The following EARS2 variants were observed in gnomAD, a reference collection of about 807,000 sequenced individuals.
EARS2 encodes the protein glutamyl-tRNA synthetase 2, mitochondrial.
Under a neutral mutation model 54.1 loss-of-function variants are expected in EARS2, and 50 were observed. That is an observed-to-expected ratio of 0.92 (90% CI 0.74 to 1.17). The LOEUF is 1.17. EARS2 is among the 50% of genes most tolerant of loss of function. EARS2 has a pLI of 0.00. For missense variants in EARS2, 673 were observed against 675.0 expected (o/e 1.00, Z 0.03); for synonymous variants, 298 against 281.0 (o/e 1.06, Z -0.61).
At chr16:23,550,538 C>T (rs139194102) in intron 2 of EARS2, among the ~76,000 whole-genome samples, 6,926 of 146,830 alleles carry the variant, frequency 0.047, 571 homozygotes, top group African/African-American at 0.16. Flanking sequence ...TCCGGGTTCA[C>T]GCCATTCTCC....
intron 3 of EARS2, 32 bp from the exon 4 acceptor site, chr16:23,535,392 T>C (rs1015293845): frequency 6.3e-7 from 1 of 1,576,942 alleles, no homozygotes; most frequent in Non-Finnish European, 8.6e-7. Context: ...TGAGTACTGT[T>C]GATGGAAAGG....
chr16:23,529,560 G>A lies in EARS2; in HGVS notation c.1294C>T (p.Arg432Ter), dbSNP rs1299779895. Reference sequence around the variant, plus strand: ...TCCGAGATGGCGTCCAGCTGTGCTCGACCTACTGCAGGGCGAGTCCACAGG... The same window carrying A: ...TCCGAGATGGCGTCCAGCTGTGCTCAACCTACTGCAGGGCGAGTCCACAGG... Reference protein sequence around the residue: ...SYLWTRPAVGRAQLDAISEKV... With the variant: ...SYLWTRPAVG The change falls in exon 7 of 9, where the codon CGA becomes TGA. Residue 432 changes from arginine to a stop codon, truncating the protein, a stop_gained. Transcript: ENST00000449606. LOFTEE classifies it high-confidence loss of function. The A allele has an allele frequency of 1.1e-5, 17 of 1,614,012 alleles. No individual in the cohort carries two copies. Among genetic ancestry groups the A allele is most frequent in the Middle Eastern group, 1.6e-4 (1 of 6,084 alleles).
chr16:23,530,517 G>A (rs1329196966), intron 5 of EARS2, among the ~76,000 whole-genome samples: 1 of 151,942 alleles, frequency 6.6e-6, no homozygotes, highest in Non-Finnish European at 1.5e-5. Context: ...GCAGTGGTGC[G>A]ACCTCCGCTC....
At chr16:23,556,395 C>A (rs1162242527) in intron 1 of EARS2, among the ~76,000 whole-genome samples, 1 of 152,174 alleles carries the variant, frequency 6.6e-6, no homozygotes, top group Non-Finnish European at 1.5e-5. Context: ...GCTCTTGTTG[C>A]CCAGGCTGGA....
intron 2 of EARS2, among the ~76,000 whole-genome samples, chr16:23,547,696 G>A (rs188414917): frequency 2.6e-5 from 4 of 151,900 alleles, no homozygotes; most frequent in Non-Finnish European, 5.9e-5. Flanking sequence ...TTAGAGACAG[G>A]GTTTCAACAT....
chr16:23,525,779 T>G (rs2142160048), intron 7 of EARS2, among the ~76,000 whole-genome samples: 1 of 152,182 alleles, frequency 6.6e-6, no homozygotes, highest in Middle Eastern at 3.4e-3. Context: ...GCAGATCACT[T>G]GAGGTCAGGT....
chr16:23,555,763 A>C (rs757819148), intron 1 of EARS2, among the ~76,000 whole-genome samples: 9 of 152,234 alleles, frequency 5.9e-5, no homozygotes, highest in Non-Finnish European at 1.2e-4. Flanking sequence ...ATCTCGGCTC[A>C]CTGCAACCTC....
rs1269584503 is a variant in EARS2, at chr16:23,521,002, G to C, written c.*3369C>G. 6.6e-6 allele frequency among the ~76,000 whole-genome samples: 1 copy of C among 152,102 alleles called. No individual in the cohort carries two copies. Among genetic ancestry groups the C allele is most frequent in the Non-Finnish European group, 1.5e-5 (1 of 68,024 alleles). On this transcript the variant is annotated 3_prime_UTR_variant, in exon 9 of 9. Transcript: ENST00000449606. ...AGATGGGGTTTCACCATGTTGGCCA[G>C]GCTGGTCTTGAACTCCCGGCCTCAA...
At position 23,526,435 on chromosome 16, in the gene EARS2, T is replaced by C. The variant is rs528420053; in HGVS notation, c.1353-1056A>G. 2.6e-5 allele frequency among the ~76,000 whole-genome samples: 4 copies of C among 152,212 alleles called. No individual in the cohort carries two copies. The East Asian group carries it at 7.7e-4, about 29-fold the overall frequency. On this transcript the variant is annotated intron_variant, in intron 7 of 8. Coordinates refer to ENST00000449606, the MANE Select transcript of EARS2 (RefSeq NM_001083614.2). Reference sequence around the variant, plus strand: ...CACCATGCCCGGCCAAGTATTACATTTCGTATTTGAATTTAAAATTTTTAA... The same window carrying C: ...CACCATGCCCGGCCAAGTATTACATCTCGTATTTGAATTTAAAATTTTTAA...
chr16:23,535,445 T>C (rs1965402382), intron 3 of EARS2, 85 bp from the exon 4 acceptor site: 2 of 1,308,052 alleles, frequency 1.5e-6, no homozygotes, highest in South Asian at 2.7e-5. Flanking sequence ...TGTGTGACCT[T>C]AAGCAAGTCA....
In EARS2 at chr16:23,542,316, C is replaced by CTTTTTTTTTTTT. The variant is rs745418385; in HGVS notation, c.485+2186_485+2197dup. Among the ~76,000 whole-genome samples, 51 of 93,692 alleles carry CTTTTTTTTTTTT rather than the reference C, an allele frequency of 5.4e-4. 3 individuals carry two copies. Among genetic ancestry groups the CTTTTTTTTTTTT allele is most frequent in the African/African-American group, 1.5e-3 (37 of 25,288 alleles). 61.5% of individuals were successfully genotyped at this position (93,692 alleles called of 152,430 possible). A position where few individuals can be genotyped will look rare whatever the true frequency, so the allele number is the denominator to read the frequency against. ...GGCCCTTTGTGGACCTTTCATTTTT[C>CTTTTTTTTTTTT]TTTTTTTTTTTTTTTTTTTTTGAGA... On this transcript the variant is annotated intron_variant, in intron 3 of 8. Transcript: ENST00000449606.
At chr16:23,546,700 T>G (rs1965608859) in intron 2 of EARS2, among the ~76,000 whole-genome samples, 1 of 152,202 alleles carries the variant, frequency 6.6e-6, no homozygotes, top group South Asian at 2.1e-4. Context: ...AGACTACAGG[T>G]ACATGCCACC....
chr16:23,526,096 C>T (rs1043874316), intron 7 of EARS2, among the ~76,000 whole-genome samples: 2 of 145,050 alleles, frequency 1.4e-5, no homozygotes, highest in East Asian at 4.0e-4. Flanking sequence ...ATGATAAATA[C>T]TCAGAAATAT....
chr16:23,556,497 G>T (rs1032656307), intron 1 of EARS2, among the ~76,000 whole-genome samples: 4 of 152,318 alleles, frequency 2.6e-5, no homozygotes, highest in African/African-American at 9.6e-5. Flanking sequence ...TGGGATTACA[G>T]GCATGCGCCA....
At position 23,531,607 on chromosome 16, in the gene EARS2, G is replaced by A. The variant is rs1226031751; in HGVS notation, c.1067+1050C>T. ...TCTCTATGTCCTGGGTTCCTCATAC[G>A]TGAAACAGGGCAAAATCATACAACT... is the stretch of plus-strand genomic sequence containing the variant. On this transcript the variant is annotated intron_variant, in intron 5 of 8. Coordinates refer to ENST00000449606, the MANE Select transcript of EARS2 (RefSeq NM_001083614.2). Among the ~76,000 whole-genome samples, 6 of 152,106 alleles carry A rather than the reference G, an allele frequency of 3.9e-5. No homozygotes were observed. The East Asian group carries it at 9.6e-4, about 24-fold the overall frequency.
In EARS2 at chr16:23,529,738, C is replaced by T. The variant is rs1194533852; in HGVS notation, c.1221+6G>A. ...CCCTCAGCTTCCCAGAATCCTGACA[C>T]CACACCTGTCTCAGCAGGAGGATCC... is the stretch of plus-strand genomic sequence containing the variant. On this transcript the variant is annotated splice_donor_region_variant and intron_variant, in intron 6 of 8. Coordinates refer to ENST00000449606, the MANE Select transcript of EARS2 (RefSeq NM_001083614.2). The T allele has an allele frequency of 6.2e-7, 1 of 1,613,996 alleles. No homozygotes were observed. Among genetic ancestry groups the T allele is most frequent in the Non-Finnish European group, 8.5e-7 (1 of 1,180,014 alleles).
intron 2 of EARS2, among the ~76,000 whole-genome samples, chr16:23,551,781 C>T (rs971109396): frequency 1.3e-5 from 2 of 152,040 alleles, no homozygotes; most frequent in Non-Finnish European, 2.9e-5. Flanking sequence ...CTTAGCCGGG[C>T]GTGGTGGCGG....
intron 4 of EARS2, among the ~76,000 whole-genome samples, chr16:23,534,070 G>T (rs1055752243): frequency 6.9e-6 from 1 of 145,270 alleles, no homozygotes; most frequent in Non-Finnish European, 1.5e-5. Context: ...AAAAAAAAAA[G>T]TTAAGAACCG....
At chr16:23,531,992 T>TA (rs1965335042) in intron 5 of EARS2, among the ~76,000 whole-genome samples, 1 of 152,138 alleles carries the variant, frequency 6.6e-6, no homozygotes, top group Non-Finnish European at 1.5e-5. Flanking sequence ...TTTGTATTTT[T>TA]AGTAGAGACA....
Sources: allele counts gnomAD v4.1 joint callset (sites outside exome capture counted in the v4.1 genomes callset), GRCh38; gene constraint gnomAD v4.1.1; transcripts MANE v1.5; gene names NCBI Gene and HGNC (gene_info 2026-07-23, HGNC 2026-07-21).